Variants in PIGF observed in about 807,000 individuals in gnomAD.
PIGF encodes the protein phosphatidylinositol glycan anchor biosynthesis class F, also known as GPI ethanolamine phosphate transferase, stabilizing subunit.
In PIGF, 23 loss-of-function variants were observed where a neutral mutation model predicts 26.0. That is an observed-to-expected ratio of 0.88 (90% CI 0.64 to 1.25). The LOEUF (loss-of-function observed/expected upper bound fraction) is 1.25. PIGF is among the 50% of genes most tolerant of loss of function. The pLI is 0.00. For synonymous variants in PIGF, 93 were observed against 92.6 expected, an observed-to-expected ratio of 1.00 and a Z score of -0.03; for missense variants, 278 against 249.9, an observed-to-expected ratio of 1.11 and a Z score of -0.76.
At chr2:46,608,282 G>C (rs746696022) in intron 4 of PIGF, among the ~76,000 whole-genome samples, 1 of 152,230 alleles carries the variant, frequency 6.6e-6, no homozygotes, top group Non-Finnish European at 1.5e-5. Flanking sequence ...TCATCCAGAA[G>C]TAATTCCTCA....
intron 4 of PIGF, among the ~76,000 whole-genome samples, chr2:46,594,099 G>T (rs995050107): frequency 6.6e-6 from 1 of 152,254 alleles, no homozygotes; most frequent in South Asian, 2.1e-4. Flanking sequence ...TTTTCAACTA[G>T]CATTCAATAG....
chr2:46,604,682 G>C (rs1223009840), intron 4 of PIGF, among the ~76,000 whole-genome samples: 1 of 151,924 alleles, frequency 6.6e-6, no homozygotes, highest in Non-Finnish European at 1.5e-5. Flanking sequence ...TGGAGATAGA[G>C]AGTAGAAGGA....
At chr2:46,596,224 A>AG (rs1390905918) in intron 4 of PIGF, among the ~76,000 whole-genome samples, 3 of 151,846 alleles carry the variant, frequency 2.0e-5, no homozygotes, top group Admixed American at 2.0e-4. Flanking sequence ...AAAAAAAAAA[A>AG]AAAAAGATTG....
intron 4 of PIGF, among the ~76,000 whole-genome samples, chr2:46,600,916 T>C (rs764110895): frequency 6.6e-6 from 1 of 151,854 alleles, no homozygotes; most frequent in Non-Finnish European, 1.5e-5. Context: ...TAAAATTATA[T>C]ATATATAATT....
At position 46,616,976 on chromosome 2, in the gene PIGF, C is replaced by CT. The variant is rs1179094880; in HGVS notation, c.-29dup. 1 of 534,078 alleles carries CT rather than the reference C, an allele frequency of 1.9e-6. No individual in the cohort carries two copies. The highest frequency in any genetic ancestry group is 3.3e-6 in the Non-Finnish European group (1 of 298,734). 33.1% of individuals were successfully genotyped at this position (534,078 alleles called of 1,614,324 possible). On this transcript the variant is annotated 5_prime_UTR_variant, in exon 1 of 6. It removes the in-frame stop codon of an upstream open reading frame in the 5' UTR. Transcript: ENST00000281382. ...GGCGTCCAGCGGGGCTTACCTAACT[C>CT]TCCCTCCCGCGGAAGGGAAGCGGGG... is the stretch of plus-strand genomic sequence containing the variant.
At position 46,581,466 on chromosome 2, in the gene PIGF, C is replaced by T; in HGVS notation, c.*12G>A. ...CAGAATCTGCACAAAGAAATATCTC[C>T]CTTTGCTCCAGTTAATTGTTCTTGT... On this transcript the variant is annotated 3_prime_UTR_variant, in exon 6 of 6. Transcript: ENST00000281382. 1 of 1,609,056 alleles carries T rather than the reference C, an allele frequency of 6.2e-7. No homozygotes were observed. The highest frequency in any genetic ancestry group is 8.5e-7 in the Non-Finnish European group (1 of 1,178,228).
chr2:46,608,886 G>A lies in PIGF; in HGVS notation c.437+3342C>T, dbSNP rs1670309091. 2.6e-5 allele frequency among the ~76,000 whole-genome samples: 4 copies of A among 152,242 alleles called. No homozygotes were observed. In the South Asian group the frequency reaches 6.2e-4, roughly 24 times the overall value. ...TCGTTGTTCCATTGACAGTATATAG[G>A]CAAAGTAGATTTAGCATAATTCTTA... is the stretch of plus-strand genomic sequence containing the variant. On this transcript the variant is annotated intron_variant, in intron 4 of 5. Transcript: ENST00000281382.
chr2:46,597,789 C>T (rs1406592057), intron 4 of PIGF, among the ~76,000 whole-genome samples: 1 of 152,150 alleles, frequency 6.6e-6, no homozygotes, highest in Non-Finnish European at 1.5e-5. Flanking sequence ...TCTGGTTTCC[C>T]GTCCTCTGTA....
At chr2:46,606,425 T>G (rs1168605656) in intron 4 of PIGF, among the ~76,000 whole-genome samples, 1 of 152,096 alleles carries the variant, frequency 6.6e-6, no homozygotes, top group Non-Finnish European at 1.5e-5. Flanking sequence ...TGTTTTGGGG[T>G]TTTTTTCTGT....
At chr2:46,609,811 G>T (rs1163726288) in intron 4 of PIGF, among the ~76,000 whole-genome samples, 1 of 152,076 alleles carries the variant, frequency 6.6e-6, no homozygotes, top group African/African-American at 2.4e-5. Context: ...GAGCCATGGT[G>T]CCCCAAAACA....
chr2:46,607,193 C>T (rs752678913), intron 4 of PIGF, among the ~76,000 whole-genome samples: 43 of 152,212 alleles, frequency 2.8e-4, no homozygotes, highest in Non-Finnish European at 1.2e-4. Flanking sequence ...CAGTTTACTA[C>T]GTGTCATGAG....
intron 4 of PIGF, 127 bp from the exon 5 acceptor site, chr2:46,592,710 G>T: frequency 1.7e-6 from 1 of 597,060 alleles, no homozygotes; most frequent in Non-Finnish European, 3.1e-6. Flanking sequence ...ATCTCAAAAT[G>T]ACATATACAT....
chr2:46,609,880 A>G (rs1670354313), intron 4 of PIGF, among the ~76,000 whole-genome samples: 1 of 152,186 alleles, frequency 6.6e-6, no homozygotes, highest in South Asian at 2.1e-4. Context: ...TAATAATGAA[A>G]AAGCTTGAAA....
In PIGF at chr2:46,617,031, G is replaced by C. The variant is rs900484537; in HGVS notation, c.-83C>G. 6 of 587,796 alleles carry C rather than the reference G, an allele frequency of 1.0e-5. No individual in the cohort carries two copies. The highest frequency in any genetic ancestry group is 2.9e-5 in the East Asian group (1 of 33,968). The allele number at this position is 587,796 out of a possible 1,614,324, so 36.4% of individuals were successfully genotyped here. ...ACTGCCTCCTACCATCAGGTACGACGGGCGGCCCAGGCCCACGCGCAGGCG... is the reference window on the plus strand; with the variant it reads ...ACTGCCTCCTACCATCAGGTACGACCGGCGGCCCAGGCCCACGCGCAGGCG... On this transcript the variant is annotated 5_prime_UTR_variant, in exon 1 of 6. Transcript: ENST00000281382.
chr2:46,608,810 T>C (rs1670306199), intron 4 of PIGF, among the ~76,000 whole-genome samples: 1 of 152,182 alleles, frequency 6.6e-6, no homozygotes, highest in African/African-American at 2.4e-5. Flanking sequence ...AAAAGTGAGC[T>C]TAAAATATTC....
intron 4 of PIGF, among the ~76,000 whole-genome samples, chr2:46,594,035 A>G (rs1431904577): frequency 6.6e-6 from 1 of 152,234 alleles, no homozygotes; most frequent in African/African-American, 2.4e-5. Context: ...TACTATTTGT[A>G]GGGCTTTATT....
chr2:46,605,539 T>TG (rs1670190499), intron 4 of PIGF, among the ~76,000 whole-genome samples: 1 of 152,154 alleles, frequency 6.6e-6, no homozygotes, highest in Admixed American at 6.5e-5. Context: ...ACCTATTATT[T>TG]GATTTCATTC....
chr2:46,595,481 A>G (rs554733066), intron 4 of PIGF, among the ~76,000 whole-genome samples: 2 of 152,176 alleles, frequency 1.3e-5, no homozygotes, highest in African/African-American at 4.8e-5. Context: ...GGGATATTCC[A>G]CATTTTATCT....
chr2:46,609,283 T>G (rs1670325963), intron 4 of PIGF, among the ~76,000 whole-genome samples: 1 of 152,198 alleles, frequency 6.6e-6, no homozygotes, highest in Non-Finnish European at 1.5e-5. Context: ...TTCTCACCTC[T>G]CTCAGCCTTC....
Sources: gnomAD v4.1 joint callset for allele counts (sites outside exome capture counted in the v4.1 genomes callset) on GRCh38, gnomAD v4.1.1 for gene constraint, MANE v1.5 for transcripts, NCBI Gene and HGNC (gene_info 2026-07-23, HGNC 2026-07-21) for gene names.